The following MTUS1 variants were observed in gnomAD, a reference collection of about 807,000 sequenced individuals.
The protein encoded by MTUS1 is microtubule-associated tumor suppressor 1.
Under a neutral mutation model 120.8 loss-of-function variants are expected in MTUS1, and 109 were observed. The observed-to-expected ratio is 0.90, with a 90% CI of 0.77 to 1.06. MTUS1 has a LOEUF of 1.06. MTUS1 is among the 50% of genes least tolerant of loss of function. The pLI, the probability that MTUS1 is intolerant of heterozygous loss-of-function variation, is 0.00. For synonymous variants in MTUS1, 737 were observed against 550.5 expected, an observed-to-expected ratio of 1.34 and a Z score of -4.74; for missense variants, 2,210 against 1,486.3, an observed-to-expected ratio of 1.49 and a Z score of -8.01.
intron 2 of MTUS1, among the ~76,000 whole-genome samples, chr8:17,749,128 G>C (rs559321019): frequency 6.6e-6 from 1 of 152,118 alleles, no homozygotes; most frequent in African/African-American, 2.4e-5. Context: ...TATACTCTCC[G>C]AAGGGTTGGA....
intron 8 of MTUS1, among the ~76,000 whole-genome samples, chr8:17,673,862 T>C (rs1310776354): frequency 6.6e-6 from 1 of 152,134 alleles, no homozygotes; most frequent in African/African-American, 2.4e-5. Context: ...AGTGTGGTCT[T>C]GTCCAAAAGA....
At chr8:17,764,509 G>A (rs1490356945) in intron 1 of MTUS1, among the ~76,000 whole-genome samples, 1 of 151,682 alleles carries the variant, frequency 6.6e-6, no homozygotes, top group Non-Finnish European at 1.5e-5. Context: ...CAATTTCCCT[G>A]TTCCTGTTTC....
intron 6 of MTUS1, among the ~76,000 whole-genome samples, chr8:17,698,313 A>G (rs531623866): frequency 1.3e-5 from 2 of 152,324 alleles, no homozygotes; most frequent in East Asian, 3.9e-4. Context: ...AGTTATGAAT[A>G]TCTTTTGCCA....
chr8:17,793,736 A>C (rs1333171215), intron 1 of MTUS1, among the ~76,000 whole-genome samples: 1 of 152,186 alleles, frequency 6.6e-6, no homozygotes, highest in Non-Finnish European at 1.5e-5. Flanking sequence ...GTGAGAAGGA[A>C]AAGGGTAAGC....
intron 3 of MTUS1, among the ~76,000 whole-genome samples, chr8:17,742,269 G>GTTTTTTTTTTTTTTTTTTT (rs1210338239): frequency 3.2e-5 from 3 of 94,910 alleles, no homozygotes; most frequent in African/African-American, 8.6e-5. Context: ...ATGCCCAGCT[G>GTTTTTTTTTTTTTTTTTTT]TTTTTTTTTT....
At chr8:17,737,593 T>C (rs1470022414) in intron 3 of MTUS1, among the ~76,000 whole-genome samples, 1 of 152,164 alleles carries the variant, frequency 6.6e-6, no homozygotes, top group Non-Finnish European at 1.5e-5. Context: ...GGTTCAGTGA[T>C]CCTCCCACCT....
intron 1 of MTUS1, among the ~76,000 whole-genome samples, chr8:17,757,182 C>T (rs767657316): frequency 6.6e-6 from 1 of 152,150 alleles, no homozygotes; most frequent in African/African-American, 2.4e-5. Flanking sequence ...GCAAAATGTA[C>T]TCTTATGCAT....
intron 8 of MTUS1, among the ~76,000 whole-genome samples, chr8:17,663,052 C>T (rs571847932): frequency 6.6e-6 from 1 of 151,840 alleles, no homozygotes; most frequent in South Asian, 2.1e-4. Flanking sequence ...TCATGGATAT[C>T]TCAGCAAGAA....
intron 1 of MTUS1, among the ~76,000 whole-genome samples, chr8:17,782,776 A>C (rs1384769533): frequency 1.3e-5 from 2 of 152,170 alleles, no homozygotes; most frequent in Non-Finnish European, 2.9e-5. Flanking sequence ...GCAACATTAA[A>C]TGAAGACCTT....
At chr8:17,647,476 T>G (rs1740667727) in intron 13 of MTUS1, among the ~76,000 whole-genome samples, 1 of 151,108 alleles carries the variant, frequency 6.6e-6, no homozygotes, top group Non-Finnish European at 1.5e-5. Flanking sequence ...AAAAAAAAGA[T>G]TCCCACATCT....
intron 6 of MTUS1, among the ~76,000 whole-genome samples, chr8:17,688,712 C>T (rs1226264466): frequency 6.6e-6 from 1 of 152,146 alleles, no homozygotes; most frequent in Non-Finnish European, 1.5e-5. Flanking sequence ...TTTAAAGTTA[C>T]CATTCATGTC....
chr8:17,753,845 A>G lies in MTUS1; in HGVS notation c.1963T>C (p.Tyr655His), dbSNP rs2048373862. 5 of 1,614,176 alleles carry G rather than the reference A, an allele frequency of 3.1e-6. No homozygotes were observed. In the East Asian group the frequency reaches 1.1e-4, roughly 36 times the overall value. ...CTAATCCTATCAATGTTGGGAACAT[A>G]GGTCATTTCCAAACATTCTGCACTT... ...MESAECLEMT[Y>H]VPNIDRISPE... Residue 655 changes from tyrosine (Y) to histidine (H), a missense_variant, in exon 2 of 15, where the codon TAT (tyrosine) becomes CAT (histidine). Physicochemically the swap from Tyr to His is moderately conservative, Grantham distance 83. Transcript: ENST00000693296.
At chr8:17,655,065 C>T in intron 9 of MTUS1, 1 of 185,474 alleles carries the variant, frequency 5.4e-6, no homozygotes, top group Non-Finnish European at 1.1e-5. Context: ...GCATCAGTCA[C>T]AAGGAATGAC....
intron 1 of MTUS1, among the ~76,000 whole-genome samples, chr8:17,765,460 A>G (rs1219219127): frequency 6.6e-6 from 1 of 151,930 alleles, no homozygotes; most frequent in African/African-American, 2.4e-5. Flanking sequence ...TCTCTACAAA[A>G]TATACAAAAA....
intron 6 of MTUS1, among the ~76,000 whole-genome samples, chr8:17,698,339 T>C (rs929719553): frequency 7.2e-5 from 11 of 152,010 alleles, no homozygotes; most frequent in Non-Finnish European, 1.6e-4. Context: ...CTACTAATTT[T>C]TATTTCAGTA....
At chr8:17,795,480 T>C (rs908793985) in intron 1 of MTUS1, among the ~76,000 whole-genome samples, 1 of 151,676 alleles carries the variant, frequency 6.6e-6, no homozygotes, top group East Asian at 2.0e-4. Context: ...TAAAAACCTC[T>C]TCCAATACAT....
chr8:17,660,573 G>C (rs1339757554), intron 8 of MTUS1, among the ~76,000 whole-genome samples: 1 of 151,936 alleles, frequency 6.6e-6, no homozygotes, highest in Non-Finnish European at 1.5e-5. Context: ...GACTCATATG[G>C]CAATTCTATT....
At chr8:17,716,833 C>G (rs775539671) in intron 4 of MTUS1, among the ~76,000 whole-genome samples, 1 of 152,308 alleles carries the variant, frequency 6.6e-6, no homozygotes, top group Admixed American at 6.5e-5. Flanking sequence ...GGATTACAGG[C>G]GTGAGCCACC....
intron 4 of MTUS1, 63 bp from the exon 5 acceptor site, chr8:17,715,964 T>G (rs966621936): frequency 1.3e-6 from 2 of 1,504,920 alleles, no homozygotes; most frequent in Non-Finnish European, 9.0e-7. Context: ...CCTTCCACAT[T>G]TATTCCTTTG....
Sources: gnomAD v4.1 joint callset for allele counts (sites outside exome capture counted in the v4.1 genomes callset) on GRCh38, gnomAD v4.1.1 for gene constraint, MANE v1.5 for transcripts, NCBI Gene and HGNC (gene_info 2026-07-23, HGNC 2026-07-21) for gene names.